Variants in NBAS observed in about 807,000 individuals in gnomAD.
NBAS encodes NBAS subunit of NRZ tethering complex.
NBAS carries 219 observed loss-of-function variants against 302.5 expected under a neutral mutation model. The observed-to-expected ratio is 0.72, with a 90% CI of 0.65 to 0.81. The LOEUF (loss-of-function observed/expected upper bound fraction) is 0.81, where lower values mean the gene tolerates loss of function less well. NBAS is among the 30% of genes least tolerant of loss of function. The pLI is 0.00. For synonymous variants in NBAS, 1,118 were observed against 1,021.6 expected (o/e 1.09, Z -1.80); for missense variants, 2,932 against 2,841.6 (o/e 1.03, Z -0.72).
chr2:15,308,723 T>A (rs1038591150), intron 39 of NBAS, among the ~76,000 whole-genome samples: 1 of 152,216 alleles, frequency 6.6e-6, no homozygotes, highest in African/African-American at 2.4e-5. Context: ...AGAGAGGGCA[T>A]CCCTGTCTTG....
intron 48 of NBAS, among the ~76,000 whole-genome samples, chr2:15,217,342 A>G (rs1666696777): frequency 6.6e-6 from 1 of 152,226 alleles, no homozygotes; most frequent in Non-Finnish European, 1.5e-5. Context: ...CTAACTCTGA[A>G]GAGCAAACAA....
Position 15,538,526 on chromosome 2 carries a change from TTTG to T in NBAS, c.513+694_513+696del, listed in dbSNP as rs559020167. ...GAGTAGCGCCTGGGCAATCTGGTAA[TTTG>T]TTTTTTTCTTTTCCTTATAAAGCTC... On this transcript the variant is annotated intron_variant, in intron 7 of 51. Coordinates refer to ENST00000281513, the MANE Select transcript of NBAS (RefSeq NM_015909.4). 2.6e-4 allele frequency among the ~76,000 whole-genome samples: 40 copies of T among 152,308 alleles called. No homozygotes were observed. The East Asian group carries it at 7.7e-3, about 29-fold the overall frequency.
At chr2:15,090,802 T>C in the NBAS span, among the ~76,000 whole-genome samples, 2 of 152,216 alleles carry the variant, frequency 1.3e-5, no homozygotes, top group Non-Finnish European at 2.9e-5. Context: ...GCAGCATTGA[T>C]AAAAGCATTT....
At chr2:15,178,240 T>C (rs1572401282) in intron 51 of NBAS, 1 of 455,260 alleles carries the variant, frequency 2.2e-6, no homozygotes, top group Non-Finnish European at 4.5e-6. Flanking sequence ...ATTACATATG[T>C]GTGCATGTAT....
At chr2:15,094,517 T>C in the NBAS span, among the ~76,000 whole-genome samples, 501 of 152,252 alleles carry the variant, frequency 3.3e-3, 5 homozygotes, top group African/African-American at 0.012. Context: ...GGAAAAAATA[T>C]AACTCCGGGA....
intron 48 of NBAS, among the ~76,000 whole-genome samples, chr2:15,206,946 C>T (rs905415922): frequency 1.3e-5 from 2 of 152,146 alleles, no homozygotes; most frequent in Non-Finnish European, 2.9e-5. Flanking sequence ...GTTGGAGCCC[C>T]CACACAGAGT....
At chr2:15,553,737 C>G (rs1174271092) in intron 4 of NBAS, among the ~76,000 whole-genome samples, 1 of 143,062 alleles carries the variant, frequency 7.0e-6, no homozygotes, top group Non-Finnish European at 1.5e-5. Context: ...TCGCTCCCTC[C>G]CACTCTCTCT....
chr2:15,532,931 A>G (rs1663291928), intron 9 of NBAS, among the ~76,000 whole-genome samples: 1 of 152,222 alleles, frequency 6.6e-6, no homozygotes, highest in African/African-American at 2.4e-5. Flanking sequence ...AAAAATGTCA[A>G]CAACAAACCC....
intron 44 of NBAS, among the ~76,000 whole-genome samples, chr2:15,247,104 T>C (rs1329735038): frequency 6.6e-6 from 1 of 152,090 alleles, no homozygotes; most frequent in African/African-American, 2.4e-5. Flanking sequence ...AAGGAGCAAG[T>C]GGGGCACCTA....
At chr2:14,851,115 C>A in the NBAS span, among the ~76,000 whole-genome samples, 1 of 130,354 alleles carries the variant, frequency 7.7e-6, no homozygotes, top group Non-Finnish European at 1.5e-5. Context: ...CACAAAAAAC[C>A]CTTCAAAAAA....
intron 44 of NBAS, among the ~76,000 whole-genome samples, chr2:15,248,429 A>G (rs1359349009): frequency 6.6e-6 from 1 of 152,234 alleles, no homozygotes; most frequent in African/African-American, 2.4e-5. Flanking sequence ...TTGAAAAGCT[A>G]GCAGAAGGCA....
intron 48 of NBAS, among the ~76,000 whole-genome samples, chr2:15,204,790 A>AT (rs1253002897): frequency 6.6e-6 from 1 of 152,162 alleles, no homozygotes; most frequent in African/African-American, 2.4e-5. Flanking sequence ...GTTCTCACTC[A>AT]TAGGTGGGAA....
chr2:15,276,501 C>T (rs1298272714), intron 43 of NBAS, among the ~76,000 whole-genome samples: 1 of 152,154 alleles, frequency 6.6e-6, no homozygotes, highest in Non-Finnish European at 1.5e-5. Context: ...TGAAATTCTG[C>T]TCAACTGCCT....
the NBAS span, among the ~76,000 whole-genome samples, chr2:14,831,074 G>A: frequency 6.6e-6 from 1 of 152,162 alleles, no homozygotes; most frequent in African/African-American, 2.4e-5. Context: ...AACTACAGTA[G>A]CCCTACCTGA....
At chr2:14,989,289 G>A in the NBAS span, among the ~76,000 whole-genome samples, 1 of 93,924 alleles carries the variant, frequency 1.1e-5, no homozygotes, top group Non-Finnish European at 2.2e-5. Flanking sequence ...GTAGATGTAT[G>A]TGTATGTGTG....
chr2:15,184,962 T>C (rs574530135), intron 50 of NBAS, among the ~76,000 whole-genome samples: 1 of 152,334 alleles, frequency 6.6e-6, no homozygotes, highest in South Asian at 2.1e-4. Context: ...ATCTAGATGC[T>C]AAATTCTATA....
the NBAS span, among the ~76,000 whole-genome samples, chr2:14,908,255 T>C: frequency 3.9e-5 from 6 of 152,088 alleles, no homozygotes; most frequent in Non-Finnish European, 7.4e-5. Context: ...CCCAGCTACT[T>C]GGGAGGCTGA....
At chr2:15,349,880 T>C (rs1673267304) in intron 35 of NBAS, among the ~76,000 whole-genome samples, 1 of 152,170 alleles carries the variant, frequency 6.6e-6, no homozygotes, top group African/African-American at 2.4e-5. Context: ...CTCTGTGTGA[T>C]CAGTGGCTAC....
intron 25 of NBAS, among the ~76,000 whole-genome samples, chr2:15,409,169 G>A (rs73200604): frequency 0.013 from 1,967 of 152,164 alleles, 35 homozygotes; most frequent in African/African-American, 0.043. Context: ...TCAGATTTAC[G>A]GTTTTCCTTT....
Sources: gnomAD v4.1 joint callset for allele counts (sites outside exome capture counted in the v4.1 genomes callset) on GRCh38, gnomAD v4.1.1 for gene constraint, MANE v1.5 for transcripts, NCBI Gene and HGNC (gene_info 2026-07-23, HGNC 2026-07-21) for gene names.